Variants in AMMECR1 observed in about 807,000 individuals in gnomAD.
AMMECR1 encodes AMMECR nuclear protein 1.
Under a neutral mutation model 22.5 loss-of-function variants are expected in AMMECR1, and 3 were observed. That is an observed-to-expected ratio of 0.13 (90% CI 0.06 to 0.35). The LOEUF (loss-of-function observed/expected upper bound fraction) is 0.35, where lower values mean the gene tolerates loss of function less well. AMMECR1 is among the 10% of genes least tolerant of loss of function. The pLI, the probability that AMMECR1 is intolerant of heterozygous loss-of-function variation, is 1.00. For missense variants in AMMECR1, 235 were observed against 278.7 expected, an observed-to-expected ratio of 0.84 and a Z score of 1.12; for synonymous variants, 130 against 116.7, an observed-to-expected ratio of 1.11 and a Z score of -0.74.
intron 2 of AMMECR1, among the ~76,000 whole-genome samples, chrX:110,353,533 T>C (rs775223441): frequency 8.9e-6 from 1 of 111,995 alleles, no homozygotes; most frequent in Non-Finnish European, 1.9e-5. Context: ...TCTCAAGATA[T>C]TTCAAAATTT....
intron 2 of AMMECR1, among the ~76,000 whole-genome samples, chrX:110,224,342 T>C (rs1304327306): frequency 9.0e-6 from 1 of 111,428 alleles, no homozygotes; most frequent in African/African-American, 3.3e-5. Flanking sequence ...CCATGGAGAA[T>C]ATAAGAATAG....
chrX:110,345,550 G>A (rs1382595640), intron 2 of AMMECR1, among the ~76,000 whole-genome samples: 3 of 108,918 alleles, frequency 2.8e-5, no homozygotes, highest in Non-Finnish European at 5.7e-5. Flanking sequence ...AGTAATACCT[G>A]AGGACACATG....
At chrX:110,294,063 A>C (rs762164769) in intron 1 of AMMECR1, among the ~76,000 whole-genome samples, 122 of 112,036 alleles carry the variant, frequency 1.1e-3, no homozygotes, top group Non-Finnish European at 1.7e-3. Flanking sequence ...ATTTAATTAA[A>C]ATTTCGTAAT....
At position 110,317,858 on chromosome X, in the gene AMMECR1, G is replaced by C. The variant is rs778345396; in HGVS notation, c.214C>G (p.Pro72Ala). Reference sequence around the variant, plus strand: ...CCGCCGCCGCCGCAGCCCTGGGGGGGAGAGAGGGTACAGCCGCTGCCGCTA... The same window carrying C: ...CCGCCGCCGCCGCAGCCCTGGGGGGCAGAGAGGGTACAGCCGCTGCCGCTA... ...GGSGSGCTLS[P>A]PQGCGGGGGG... The change falls in exon 1 of 6, where the codon CCC (proline) becomes GCC (alanine). Residue 72 changes from proline (P) to alanine (A), a missense_variant. By Grantham distance (27) the Pro-to-Ala change is conservative. Transcript: ENST00000262844. 2 of 1,176,954 alleles carry C rather than the reference G, an allele frequency of 1.7e-6. No homozygotes were observed. The highest frequency in any genetic ancestry group is 6.2e-5 in the East Asian group (2 of 32,074).
At chrX:110,334,028 C>T (rs2068131725) in intron 2 of AMMECR1, among the ~76,000 whole-genome samples, 1 of 111,228 alleles carries the variant, frequency 9.0e-6, no homozygotes, top group African/African-American at 3.3e-5. Context: ...GTAGGAGTTC[C>T]TTATATATTA....
At chrX:110,290,250 A>G (rs908780117) in intron 1 of AMMECR1, among the ~76,000 whole-genome samples, 1 of 112,015 alleles carries the variant, frequency 8.9e-6, no homozygotes, top group Non-Finnish European at 1.9e-5. Context: ...CACTGTGAAC[A>G]TTAGATCTAA....
At chrX:110,357,561 T>C (rs55956354) in intron 2 of AMMECR1, among the ~76,000 whole-genome samples, 9,200 of 111,928 alleles carry the variant, frequency 0.082, 939 homozygotes, top group African/African-American at 0.28. Flanking sequence ...TTCCTTGCTG[T>C]AGGCTTTAAA....
chrX:110,347,579 C>T (rs191796427), intron 2 of AMMECR1, among the ~76,000 whole-genome samples: 89 of 112,760 alleles, frequency 7.9e-4, no homozygotes, highest in Non-Finnish European at 1.1e-3. Flanking sequence ...TAGGTAAGCA[C>T]CTTATTATCT....
In AMMECR1 at chrX:110,282,793, G is replaced by A. The variant is rs750726641; in HGVS notation, c.474-18194C>T. 2.7e-5 allele frequency among the ~76,000 whole-genome samples: 3 copies of A among 111,521 alleles called. No homozygotes were observed. In the Admixed American group the frequency reaches 2.9e-4, roughly 11 times the overall value. On this transcript the variant is annotated intron_variant, in intron 1 of 5. Coordinates refer to ENST00000262844, the MANE Select transcript of AMMECR1 (RefSeq NM_015365.3). ...TTCAGGGCTTTAAGAACATCAAGGA[G>A]GAAAGCAAGCATTAACATTCAGTGA...
Position 110,386,353 on chromosome X carries a change from TTTTA to T in AMMECR1, c.-148+40301_-148+40304del, listed in dbSNP as rs971675080. Among the ~76,000 whole-genome samples, 4 of 109,971 alleles carry T rather than the reference TTTTA, an allele frequency of 3.6e-5. No homozygotes were observed. The Admixed American group carries it at 3.9e-4, about 11-fold the overall frequency. ...TTATTTTTATTATATTTATTTTATTTTTTATTTATTTTTTATTATAGCCATCCTA... is the reference window on the plus strand; with the variant it reads ...TTATTTTTATTATATTTATTTTATTTTTTATTTTTTATTATAGCCATCCTA... On this transcript the variant is annotated intron_variant, in intron 2 of 7. Coordinates refer to the AMMECR1 transcript ENST00000372057.
chrX:110,423,231 G>T (rs2068730385), intron 2 of AMMECR1, among the ~76,000 whole-genome samples: 1 of 110,662 alleles, frequency 9.0e-6, no homozygotes, highest in South Asian at 3.9e-4. Context: ...GGGAGTCTGA[G>T]ACAGGAGAAT....
chrX:110,305,793 C>G (rs1385795243), intron 1 of AMMECR1, among the ~76,000 whole-genome samples: 2 of 110,483 alleles, frequency 1.8e-5, no homozygotes, highest in Non-Finnish European at 3.8e-5. Flanking sequence ...AAACACATTT[C>G]CTCAGAAACC....
In AMMECR1 at chrX:110,315,072, GA is replaced by G. The variant is rs965332975; in HGVS notation, c.473+2526del. ...GCTCATGACATGATAATAACTATGA[GA>G]AAAAAAAATCCCAATATGTCTGTTT... is the stretch of plus-strand genomic sequence containing the variant. On this transcript the variant is annotated intron_variant, in intron 1 of 5. Coordinates refer to ENST00000262844, the MANE Select transcript of AMMECR1 (RefSeq NM_015365.3). Among the ~76,000 whole-genome samples the G allele has an allele frequency of 1.2e-3, 131 of 110,101 alleles. 1 individual carries two copies. In the South Asian group the frequency reaches 0.014, roughly 12 times the overall value.
At chrX:110,439,117 G>A (rs2068860603) in intron 1 of AMMECR1, among the ~76,000 whole-genome samples, 1 of 111,750 alleles carries the variant, frequency 8.9e-6, no homozygotes, top group Non-Finnish European at 1.9e-5. Flanking sequence ...GCTATTTTGA[G>A]GGGACTTCAG....
At chrX:110,306,520 G>A (rs1229831367) in intron 1 of AMMECR1, among the ~76,000 whole-genome samples, 3 of 110,068 alleles carry the variant, frequency 2.7e-5, no homozygotes, top group Non-Finnish European at 3.8e-5. Flanking sequence ...GTGCAATGGC[G>A]TGATCTCAGC....
At chrX:110,263,893 T>C (rs2067754577) in intron 2 of AMMECR1, among the ~76,000 whole-genome samples, 1 of 112,343 alleles carries the variant, frequency 8.9e-6, no homozygotes, top group Admixed American at 9.4e-5. Flanking sequence ...GATAGCTTTT[T>C]GTGAATTCAG....
chrX:110,247,444 A>G (rs2067663913), intron 2 of AMMECR1, among the ~76,000 whole-genome samples: 1 of 111,889 alleles, frequency 8.9e-6, no homozygotes, highest in African/African-American at 3.2e-5. Context: ...TAATCCCAAC[A>G]CGTTGGGAGG....
At chrX:110,206,534 C>A (rs1478541071) in intron 3 of AMMECR1, among the ~76,000 whole-genome samples, 1 of 112,017 alleles carries the variant, frequency 8.9e-6, no homozygotes, top group Non-Finnish European at 1.9e-5. Flanking sequence ...TACTTGTGAG[C>A]CTTGTCAGCA....
chrX:110,361,756 ATTTG>A (rs1216778728), intron 2 of AMMECR1, among the ~76,000 whole-genome samples: 4 of 111,991 alleles, frequency 3.6e-5, no homozygotes, highest in Non-Finnish European at 5.6e-5. Flanking sequence ...TTATCTATTT[ATTTG>A]TTTATCATCT....
Sources: allele counts gnomAD v4.1 joint callset (sites outside exome capture counted in the v4.1 genomes callset), GRCh38; gene constraint gnomAD v4.1.1; transcripts MANE v1.5; gene names NCBI Gene and HGNC (gene_info 2026-07-23, HGNC 2026-07-21).